KIAA1958: variants seen among roughly 807,000 people sequenced by gnomAD.
KIAA1958 encodes uncharacterized protein KIAA1958.
In KIAA1958, 14 loss-of-function variants were observed where a neutral mutation model predicts 47.2. The observed-to-expected ratio is 0.30, with a 90% CI of 0.20 to 0.46. KIAA1958 has a LOEUF of 0.46. KIAA1958 is among the 20% of genes least tolerant of loss of function. KIAA1958 has a pLI of 1.00. For synonymous variants in KIAA1958, 354 were observed against 353.3 expected (o/e 1.00, Z -0.02); for missense variants, 803 against 909.2 (o/e 0.88, Z 1.50).
At chr9:112,624,747 A>T (rs781273175) in intron 2 of KIAA1958, among the ~76,000 whole-genome samples, 3 of 152,190 alleles carry the variant, frequency 2.0e-5, no homozygotes, top group Non-Finnish European at 4.4e-5. Flanking sequence ...ACTTTTGTGA[A>T]TTAGAACCAG....
intron 2 of KIAA1958, among the ~76,000 whole-genome samples, chr9:112,639,192 T>G (rs1297380324): frequency 6.6e-6 from 1 of 152,128 alleles, no homozygotes; most frequent in African/African-American, 2.4e-5. Flanking sequence ...CCTAACAGTG[T>G]CTTTTATTGG....
chr9:112,663,442 A>G lies in KIAA1958; in HGVS notation c.*3373A>G, dbSNP rs1389299590. ...AATTAATATTATTTAACTAATTTGC[A>G]TTATACCACTTATTTCTTCCATTAT... On this transcript the variant is annotated 3_prime_UTR_variant, in exon 4 of 4. Transcript: ENST00000337530. The G allele has an allele frequency of 1.3e-5, 2 of 152,226 alleles. No homozygotes were observed. The highest frequency in any genetic ancestry group is 4.8e-5 in the African/African-American group (2 of 41,462). The allele number at this position is 152,226 out of a possible 1,614,324, so 9.4% of individuals were successfully genotyped here.
At chr9:112,548,849 A>G (rs539295399) in intron 1 of KIAA1958, among the ~76,000 whole-genome samples, 1 of 152,324 alleles carries the variant, frequency 6.6e-6, no homozygotes, top group South Asian at 2.1e-4. Flanking sequence ...CTGGCCTCTG[A>G]TCAATATGAC....
At chr9:112,520,193 A>C (rs146763163) in intron 1 of KIAA1958, among the ~76,000 whole-genome samples, 71 of 152,366 alleles carry the variant, frequency 4.7e-4, no homozygotes, top group African/African-American at 1.6e-3. Context: ...GAAAAGATAG[A>C]GGTAGATGGA....
intron 2 of KIAA1958, among the ~76,000 whole-genome samples, chr9:112,594,604 C>G (rs1835985027): frequency 6.6e-6 from 1 of 152,208 alleles, no homozygotes; most frequent in East Asian, 1.9e-4. Flanking sequence ...ACAGATACAT[C>G]ACACTTTGTT....
At chr9:112,606,220 T>G (rs1264005860) in intron 2 of KIAA1958, among the ~76,000 whole-genome samples, 1 of 152,142 alleles carries the variant, frequency 6.6e-6, no homozygotes, top group African/African-American at 2.4e-5. Flanking sequence ...GATGGGCAAG[T>G]TTGGGGACAG....
chr9:112,626,547 A>G (rs1406426031), intron 2 of KIAA1958, among the ~76,000 whole-genome samples: 1 of 152,192 alleles, frequency 6.6e-6, no homozygotes. Context: ...TCAGCAATAT[A>G]GATTCCTAAC....
intron 1 of KIAA1958, among the ~76,000 whole-genome samples, chr9:112,496,290 A>G (rs1834050418): frequency 6.6e-6 from 1 of 152,206 alleles, no homozygotes; most frequent in Non-Finnish European, 1.5e-5. Flanking sequence ...TCTCACAGAC[A>G]TATGTTGAGC....
intron 2 of KIAA1958, among the ~76,000 whole-genome samples, chr9:112,641,280 T>G (rs1277607339): frequency 6.6e-6 from 1 of 151,996 alleles, no homozygotes; most frequent in African/African-American, 2.4e-5. Flanking sequence ...GGTAATAAAT[T>G]TCTTCATTTA....
intron 1 of KIAA1958, among the ~76,000 whole-genome samples, chr9:112,532,114 G>C (rs983355264): frequency 6.6e-6 from 1 of 152,184 alleles, no homozygotes; most frequent in Admixed American, 6.5e-5. Flanking sequence ...TTAGCTTCTG[G>C]TGGTGAGGGG....
At chr9:112,658,953 G>A (rs558484479) in intron 3 of KIAA1958, among the ~76,000 whole-genome samples, 37 of 147,034 alleles carry the variant, frequency 2.5e-4, no homozygotes, top group African/African-American at 8.8e-4. Flanking sequence ...CCGGGAGGCG[G>A]AGCTTGCAGT....
chr9:112,520,341 A>G (rs1414875276), intron 1 of KIAA1958, among the ~76,000 whole-genome samples: 1 of 152,246 alleles, frequency 6.6e-6, no homozygotes, highest in Admixed American at 6.5e-5. Flanking sequence ...AATGAAATTG[A>G]TATATTGCAT....
intron 2 of KIAA1958, among the ~76,000 whole-genome samples, chr9:112,576,418 G>A (rs903498473): frequency 6.6e-6 from 1 of 152,082 alleles, no homozygotes; most frequent in African/African-American, 2.4e-5. Context: ...GGGTTTTGGT[G>A]TATTCATAGA....
At chr9:112,559,869 T>C (rs976479458) in intron 1 of KIAA1958, among the ~76,000 whole-genome samples, 1 of 152,218 alleles carries the variant, frequency 6.6e-6, no homozygotes, top group Non-Finnish European at 1.5e-5. Flanking sequence ...CACTTTAAAA[T>C]GTGATGGAAT....
At chr9:112,497,761 T>C (rs1386911752) in intron 1 of KIAA1958, among the ~76,000 whole-genome samples, 1 of 152,196 alleles carries the variant, frequency 6.6e-6, no homozygotes, top group Non-Finnish European at 1.5e-5. Flanking sequence ...AATACAGTTT[T>C]ATCACCTTTT....
At chr9:112,546,208 T>G (rs994958257) in intron 1 of KIAA1958, among the ~76,000 whole-genome samples, 69 of 152,004 alleles carry the variant, frequency 4.5e-4, no homozygotes, top group African/African-American at 1.5e-3. Context: ...TCCTCACTGC[T>G]CATTATATGC....
At chr9:112,570,742 A>G (rs1835517830) in intron 1 of KIAA1958, among the ~76,000 whole-genome samples, 1 of 152,184 alleles carries the variant, frequency 6.6e-6, no homozygotes, top group African/African-American at 2.4e-5. Flanking sequence ...GCATATATAC[A>G]TGAGAGGGCA....
chr9:112,617,518 T>TG (rs1254388209), intron 2 of KIAA1958, among the ~76,000 whole-genome samples: 1 of 152,250 alleles, frequency 6.6e-6, no homozygotes, highest in Admixed American at 6.5e-5. Flanking sequence ...ATGGGGCTCT[T>TG]GCACGCTGCA....
chr9:112,548,122 G>A (rs1332117965), intron 1 of KIAA1958, among the ~76,000 whole-genome samples: 2 of 147,854 alleles, frequency 1.4e-5, no homozygotes. Flanking sequence ...TCCCACCTCA[G>A]TCCCCCAAGT....
Sources: allele counts gnomAD v4.1 joint callset (sites outside exome capture counted in the v4.1 genomes callset), GRCh38; gene constraint gnomAD v4.1.1; transcripts MANE v1.5; gene names NCBI Gene and HGNC (gene_info 2026-07-23, HGNC 2026-07-21).